The following VWCE variants were observed in gnomAD, a reference collection of about 807,000 sequenced individuals.
The protein encoded by VWCE is von Willebrand factor C and EGF domains.
In VWCE, 68 loss-of-function variants were observed where a neutral mutation model predicts 102.9. The ratio of observed to expected loss-of-function variants is 0.66; its 90% CI spans 0.54 to 0.81. VWCE has a LOEUF of 0.81. VWCE is among the 30% of genes least tolerant of loss of function. The probability of loss-of-function intolerance (pLI) is 0.00; values close to 1 mark genes in which losing one functional copy is unlikely to be tolerated. For synonymous variants in VWCE, 497 were observed against 515.4 expected, an observed-to-expected ratio of 0.96 and a Z score of 0.48; for missense variants, 1,137 against 1,263.6, an observed-to-expected ratio of 0.90 and a Z score of 1.52.
At position 61,294,382 on chromosome 11, in the gene VWCE, G is replaced by A. The variant is rs1159411115; in HGVS notation, c.110+546C>T. ...CCGCGGCCCGGGGGAAAGCACGTGCGGAGGGCGGCATCCATCGCGAAAGAC... is the reference window on the plus strand; with the variant it reads ...CCGCGGCCCGGGGGAAAGCACGTGCAGAGGGCGGCATCCATCGCGAAAGAC... On this transcript the variant is annotated intron_variant, in intron 1 of 19. Transcript: ENST00000335613. This position sits in a 1 kb window ranked among gnomAD's most constrained non-coding sequence, Gnocchi z 6.3. 2.0e-5 allele frequency among the ~76,000 whole-genome samples: 3 copies of A among 152,210 alleles called. No homozygotes were observed. The highest frequency in any genetic ancestry group is 7.2e-5 in the African/African-American group (3 of 41,462).
intron 5 of VWCE, among the ~76,000 whole-genome samples, chr11:61,283,975 G>T (rs970951584): frequency 1.3e-5 from 2 of 152,186 alleles, no homozygotes; most frequent in East Asian, 3.9e-4. Flanking sequence ...CAGTTAAAAG[G>T]AACAAGGCAA....
At chr11:61,277,469 C>T (rs1189546693) in intron 10 of VWCE, among the ~76,000 whole-genome samples, 4 of 151,690 alleles carry the variant, frequency 2.6e-5, no homozygotes, top group Non-Finnish European at 5.9e-5. Flanking sequence ...AAAAATTAGC[C>T]GGGTGTAATG....
chr11:61,284,582 A>G (rs988051797), intron 5 of VWCE, among the ~76,000 whole-genome samples: 4 of 152,178 alleles, frequency 2.6e-5, no homozygotes, highest in Non-Finnish European at 5.9e-5. Context: ...AGATAAGTAG[A>G]TAAGAAGATA....
At chr11:61,262,429 C>G (rs1188587795) in intron 19 of VWCE, among the ~76,000 whole-genome samples, 1 of 152,194 alleles carries the variant, frequency 6.6e-6, no homozygotes, top group African/African-American at 2.4e-5. Flanking sequence ...ACATAGCAGC[C>G]ACGCTGGAAC....
Position 61,258,878 on chromosome 11 carries a change from G to A in VWCE, c.2665C>T (p.Pro889Ser). The A allele has an allele frequency of 2.6e-6, 4 of 1,520,048 alleles. No individual in the cohort carries two copies. The highest frequency in any genetic ancestry group is 3.5e-6 in the Non-Finnish European group (4 of 1,136,224). The allele number at this position is 1,520,048 out of a possible 1,614,324, so 94.2% of individuals were successfully genotyped here. ...SGAQIVSRWP[P>S]LPGTLLTEAS... Reference sequence around the variant, plus strand: ...TCCGTCAGGAGGGTGCCAGGCAGAGGAGGCCACCTGGACACTATCTGGGCC... The same window carrying A: ...TCCGTCAGGAGGGTGCCAGGCAGAGAAGGCCACCTGGACACTATCTGGGCC... Residue 889 changes from proline (P) to serine (S), a missense_variant, in exon 20 of 20, where the codon CCT becomes TCT. By Grantham distance (74) the Pro-to-Ser change is moderately conservative. Transcript: ENST00000335613.
Position 61,273,351 on chromosome 11 carries a change from G to A in VWCE, c.1582-35C>T, listed in dbSNP as rs148022378. The A allele has an allele frequency of 9.0e-5, 140 of 1,562,570 alleles. 1 individual carries two copies. The East Asian group carries it at 2.9e-3, about 32-fold the overall frequency. On this transcript the variant is annotated intron_variant, in intron 12 of 19. Transcript: ENST00000335613. ...AGCCCAGGCACAGAATGATGAGGGC[G>A]GCACCCTGCCTGGGGACCATGGAGA...
intron 4 of VWCE, 53 bp from the exon 5 acceptor site, chr11:61,286,483 A>G: frequency 6.5e-7 from 1 of 1,538,290 alleles, no homozygotes; most frequent in Non-Finnish European, 8.9e-7. Context: ...AGAGGAACTT[A>G]CACATTTGTC....
chr11:61,259,153 T>C lies in VWCE; in HGVS notation c.2390A>G (p.His797Arg), dbSNP rs1590602613. ...CGTTCTTAAAAGGAGCTGGAGGAGA[T>C]GAAGCACCGGCCTCGAGGGTGATGC... ...PTASPSRPVLHLLQLLLRTNL... is the reference protein window; with the variant it reads ...PTASPSRPVLRLLQLLLRTNL... The change falls in exon 20 of 20, where the codon CAT (histidine) becomes CGT (arginine). Residue 797 changes from histidine (H) to arginine (R), a missense_variant. Coordinates refer to ENST00000335613, the MANE Select transcript of VWCE (RefSeq NM_152718.2). 1 of 1,614,106 alleles carries C rather than the reference T, an allele frequency of 6.2e-7. No homozygotes were observed. The highest frequency in any genetic ancestry group is 8.5e-7 in the Non-Finnish European group (1 of 1,180,002).
intron 14 of VWCE, chr11:61,269,288 C>T: frequency 2.1e-6 from 1 of 468,890 alleles, no homozygotes; most frequent in East Asian, 3.8e-5. Context: ...CAGCCAAAGC[C>T]TGCACCGTCA....
chr11:61,271,770 G>C lies in VWCE; in HGVS notation c.1700-10C>G. On this transcript the variant is annotated splice_polypyrimidine_tract_variant and intron_variant, in intron 13 of 19. Transcript: ENST00000335613. ...TCGTCAAGAGAGCAGCCTGGATGAG[G>C]ACAATGGCAGAGAAAAGACGGCACA... The C allele has an allele frequency of 1.2e-6, 2 of 1,612,244 alleles. No individual in the cohort carries two copies. Among genetic ancestry groups the C allele is most frequent in the Non-Finnish European group, 1.7e-6 (2 of 1,179,180 alleles).
intron 18 of VWCE, 106 bp from the exon 19 acceptor site, chr11:61,264,683 C>T: frequency 8.0e-7 from 1 of 1,254,016 alleles, no homozygotes. Flanking sequence ...ACGGAAAGAT[C>T]CCAGGACAGA....
chr11:61,269,761 G>GA (rs932787094), intron 14 of VWCE, among the ~76,000 whole-genome samples: 42 of 150,724 alleles, frequency 2.8e-4, no homozygotes, highest in African/African-American at 9.5e-4. Context: ...TTCTTTAAAA[G>GA]AAAAAAACAC....
intron 1 of VWCE, among the ~76,000 whole-genome samples, chr11:61,293,200 C>T (rs1365890794): frequency 2.9e-5 from 4 of 139,986 alleles, no homozygotes; most frequent in African/African-American, 8.3e-5. Context: ...GAGATCACGC[C>T]ACTGCACTCC....
chr11:61,261,176 T>C (rs975674341), intron 19 of VWCE, among the ~76,000 whole-genome samples: 1 of 150,602 alleles, frequency 6.6e-6, no homozygotes, highest in Admixed American at 6.6e-5. Flanking sequence ...GCCAAGATCA[T>C]GCCACTGCAC....
intron 13 of VWCE, 141 bp downstream of exon 13, chr11:61,273,056 TCA>T: frequency 1.3e-6 from 1 of 778,656 alleles, no homozygotes; most frequent in Non-Finnish European, 2.1e-6. Context: ...ACACAAAAAC[TCA>T]CACTCATACA....
intron 4 of VWCE, among the ~76,000 whole-genome samples, chr11:61,286,920 A>G (rs1590654753): frequency 6.6e-6 from 1 of 151,912 alleles, no homozygotes; most frequent in Non-Finnish European, 1.5e-5. Context: ...ACATGGTGAA[A>G]CCCCGTCTCT....
intron 9 of VWCE, among the ~76,000 whole-genome samples, chr11:61,278,954 G>A (rs1458776979): frequency 3.9e-5 from 6 of 151,984 alleles, no homozygotes; most frequent in South Asian, 2.1e-4. Flanking sequence ...CAGGAGAATC[G>A]CTTGAACCCG....
At chr11:61,280,171 C>T (rs1235689598) in intron 9 of VWCE, among the ~76,000 whole-genome samples, 3 of 151,762 alleles carry the variant, frequency 2.0e-5, no homozygotes, top group Admixed American at 6.6e-5. Context: ...ATGGCGGGGG[C>T]GAGTCAAAAA....
rs1212263094 is a variant in VWCE, at chr11:61,290,893, G to A, written c.330C>T (p.Asp110=). 1.2e-6 allele frequency: 2 copies of A among 1,613,746 alleles called. No homozygotes were observed. Among genetic ancestry groups the A allele is most frequent in the East Asian group, 4.5e-5 (2 of 44,872 alleles). ...GACAGCCTCCATGGTTGCAGGTAAG[G>A]TCACAGCCGTACTCCCCACATGGTC... ...THGPCGEYGC[D]LTCNHGGCQE... is the part of the protein sequence containing the mutation. The change falls in exon 4 of 20, where the codon GAC becomes GAT. Residue 110 remains aspartate (D), a synonymous_variant. Coordinates refer to ENST00000335613, the MANE Select transcript of VWCE (RefSeq NM_152718.2).
Sources: gnomAD v4.1 joint callset for allele counts (sites outside exome capture counted in the v4.1 genomes callset) on GRCh38, gnomAD v4.1.1 for gene constraint, Gnocchi (gnomAD v3.1) non-coding constraint, MANE v1.5 for transcripts, NCBI Gene and HGNC (gene_info 2026-07-23, HGNC 2026-07-21) for gene names.